LAMA2: variants seen among roughly 807,000 people sequenced by gnomAD.
LAMA2 encodes the protein laminin subunit alpha-2.
LAMA2 carries 269 observed loss-of-function variants against 364.8 expected under a neutral mutation model. The observed-to-expected ratio is 0.74, with a 90% confidence interval of 0.67 to 0.82. The LOEUF is 0.82. Ranked by LOEUF, LAMA2 falls within the 40% of genes least tolerant of loss-of-function variation. The pLI, the probability that LAMA2 is intolerant of heterozygous loss-of-function variation, is 0.00. For synonymous variants in LAMA2, 1,379 were observed against 1,370.6 expected, an observed-to-expected ratio of 1.01 and a Z score of -0.14; for missense variants, 3,807 against 3,873.2, an observed-to-expected ratio of 0.98 and a Z score of 0.45.
intron 41 of LAMA2, among the ~76,000 whole-genome samples, chr6:129,429,727 G>T (rs748382354): frequency 3.9e-5 from 6 of 152,160 alleles, no homozygotes; most frequent in Non-Finnish European, 8.8e-5. Flanking sequence ...TCATACCCTT[G>T]CCCAGGGCTG....
chr6:129,300,983 A>T, intron 22 of LAMA2, 111 bp downstream of exon 22: 1 of 910,622 alleles, frequency 1.1e-6, no homozygotes, highest in Non-Finnish European at 1.8e-6. Flanking sequence ...ATAATGTAGA[A>T]GTATTACTAT....
At chr6:128,894,267 C>T (rs1479816821) in intron 1 of LAMA2, among the ~76,000 whole-genome samples, 2 of 152,246 alleles carry the variant, frequency 1.3e-5, no homozygotes, top group African/African-American at 4.8e-5. Context: ...ACTAGTTATG[C>T]AGATCAGCCA....
At chr6:128,992,540 A>T (rs1041310213) in intron 1 of LAMA2, among the ~76,000 whole-genome samples, 1 of 152,202 alleles carries the variant, frequency 6.6e-6, no homozygotes, top group African/African-American at 2.4e-5. Context: ...AAGCATTCAA[A>T]TAACTGTTAC....
chr6:129,051,285 T>G (rs1196591997), intron 2 of LAMA2, among the ~76,000 whole-genome samples: 1 of 148,368 alleles, frequency 6.7e-6, no homozygotes, highest in African/African-American at 2.4e-5. Context: ...TTTATTTATA[T>G]TATTTTTAAT....
chr6:129,220,837 C>A (rs1397763866), intron 12 of LAMA2, among the ~76,000 whole-genome samples: 2 of 150,958 alleles, frequency 1.3e-5, no homozygotes, highest in African/African-American at 5.0e-5. Flanking sequence ...TATCTCTTTT[C>A]AGCTGTGAAA....
At chr6:129,043,777 C>A (rs1032010169) in intron 1 of LAMA2, among the ~76,000 whole-genome samples, 7 of 152,224 alleles carry the variant, frequency 4.6e-5, no homozygotes, top group African/African-American at 1.7e-4. Context: ...CTCACCCATT[C>A]TTTTTTGTTG....
intron 5 of LAMA2, among the ~76,000 whole-genome samples, chr6:129,146,265 A>G (rs1472592673): frequency 6.6e-6 from 1 of 151,996 alleles, no homozygotes; most frequent in Non-Finnish European, 1.5e-5. Flanking sequence ...AATGTTATAT[A>G]CACATTAATT....
At chr6:129,339,425 T>C (rs1453551770) in intron 29 of LAMA2, among the ~76,000 whole-genome samples, 1 of 152,204 alleles carries the variant, frequency 6.6e-6, no homozygotes, top group South Asian at 2.1e-4. Context: ...AAGACGCTTC[T>C]GTGTTATACA....
At chr6:129,267,052 A>T (rs1562395653) in intron 15 of LAMA2, 54 bp from the exon 16 acceptor site, 1 of 1,136,044 alleles carries the variant, frequency 8.8e-7, no homozygotes, top group Non-Finnish European at 1.3e-6. Context: ...AACAAACAAA[A>T]ACACCTTTTT....
At position 129,401,327 on chromosome 6, in the gene LAMA2, ACTCC is replaced by A; in HGVS notation, c.5550_5553del (p.Asn1850LysfsTer3). 6.3e-7 allele frequency: 1 copy of A among 1,589,924 alleles called. No homozygotes were observed. Among genetic ancestry groups the A allele is most frequent in the Non-Finnish European group, 8.6e-7 (1 of 1,158,292 alleles). On this transcript the variant is annotated frameshift_variant, in exon 38 of 65. Transcript: ENST00000421865. LOFTEE classifies it high-confidence loss of function. Reference sequence around the variant, plus strand: ...GCCAACCGTCTTGCAGATGAAATCAACTCCATCATAGACGTGAGTATTGGGTAAA... The same window carrying A: ...GCCAACCGTCTTGCAGATGAAATCAAATCATAGACGTGAGTATTGGGTAAA...
At chr6:128,963,599 C>T (rs531900035) in intron 1 of LAMA2, among the ~76,000 whole-genome samples, 1 of 152,050 alleles carries the variant, frequency 6.6e-6, no homozygotes, top group Non-Finnish European at 1.5e-5. Context: ...AGAACCTCAG[C>T]AAAACCTCAA....
At position 129,006,444 on chromosome 6, in the gene LAMA2, G is replaced by A. The variant is rs1029939742; in HGVS notation, c.113-43474G>A. Among the ~76,000 whole-genome samples the A allele has an allele frequency of 2.0e-5, 3 of 152,080 alleles. No homozygotes were observed. In the East Asian group the frequency reaches 5.8e-4, roughly 29 times the overall value. ...GATCTTAGAGGCTGGAGAATAGGCA[G>A]CATGACCTCTCATCTCTTCCGTTCT... is the stretch of plus-strand genomic sequence containing the variant. On this transcript the variant is annotated intron_variant, in intron 1 of 64. Coordinates refer to ENST00000421865, the MANE Select transcript of LAMA2 (RefSeq NM_000426.4).
At chr6:129,367,302 C>G (rs1437906462) in intron 33 of LAMA2, among the ~76,000 whole-genome samples, 2 of 152,208 alleles carry the variant, frequency 1.3e-5, no homozygotes, top group Non-Finnish European at 2.9e-5. Flanking sequence ...CTCAGCATTG[C>G]ACTTGGTTCC....
At chr6:129,276,396 C>A (rs1239663244) in intron 17 of LAMA2, among the ~76,000 whole-genome samples, 2 of 152,012 alleles carry the variant, frequency 1.3e-5, no homozygotes, top group African/African-American at 2.4e-5. Context: ...TCCCAAGAAG[C>A]AATTCATTAT....
rs1271014041 is a variant in LAMA2 at position 129,168,332 on chromosome 6, G to T, written c.1306+2657G>T. 6.0e-5 allele frequency among the ~76,000 whole-genome samples: 9 copies of T among 150,942 alleles called. No homozygotes were observed. The South Asian group carries it at 1.5e-3, about 25-fold the overall frequency. On this transcript the variant is annotated intron_variant, in intron 9 of 64. Transcript: ENST00000421865. ...TTAAGTCTTTAATCCATCTTGAATT[G>T]ATTTTTGTATAAGGTGTAAGGAAGG...
intron 62 of LAMA2, among the ~76,000 whole-genome samples, chr6:129,511,296 C>T (rs1786551353): frequency 6.6e-6 from 1 of 152,114 alleles, no homozygotes; most frequent in African/African-American, 2.4e-5. Flanking sequence ...CTGTCCTCAG[C>T]CGAACTTCCT....
At chr6:129,113,458 C>T (rs1408113876) in intron 4 of LAMA2, among the ~76,000 whole-genome samples, 1 of 151,966 alleles carries the variant, frequency 6.6e-6, no homozygotes, top group African/African-American at 2.4e-5. Flanking sequence ...TGATGGAATC[C>T]TAAGGCAGAC....
At chr6:129,077,393 A>G (rs939305606) in intron 3 of LAMA2, among the ~76,000 whole-genome samples, 1 of 152,216 alleles carries the variant, frequency 6.6e-6, no homozygotes, top group African/African-American at 2.4e-5. Context: ...GTGACAAAAT[A>G]GATTTATTTA....
intron 44 of LAMA2, among the ~76,000 whole-genome samples, chr6:129,444,507 A>G (rs1782271888): frequency 6.6e-6 from 1 of 152,328 alleles, no homozygotes; most frequent in Admixed American, 6.5e-5. Flanking sequence ...CATGCATTTC[A>G]GGAAGAAAAT....
Sources: gnomAD v4.1 joint callset for allele counts (sites outside exome capture counted in the v4.1 genomes callset) on GRCh38, gnomAD v4.1.1 for gene constraint, MANE v1.5 for transcripts, NCBI Gene and HGNC (gene_info 2026-07-23, HGNC 2026-07-21) for gene names.